Variants in SIPA1L3 observed in about 807,000 individuals in gnomAD.
SIPA1L3 encodes signal induced proliferation associated 1 like 3.
SIPA1L3 carries 59 observed loss-of-function variants against 150.1 expected under a neutral mutation model. The observed-to-expected ratio is 0.39, with a 90% CI of 0.32 to 0.49. The LOEUF (loss-of-function observed/expected upper bound fraction) is 0.49, where lower values mean the gene tolerates loss of function less well. Ranked by LOEUF, SIPA1L3 falls within the 20% of genes least tolerant of loss-of-function variation. SIPA1L3 has a pLI of 0.86. For missense variants in SIPA1L3, 2,211 were observed against 2,489.5 expected, an observed-to-expected ratio of 0.89 and a Z score of 2.38; for synonymous variants, 1,070 against 1,077.6, an observed-to-expected ratio of 0.99 and a Z score of 0.14.
At chr19:37,956,675 G>A (rs1166241355) in intron 1 of SIPA1L3, among the ~76,000 whole-genome samples, 1 of 151,970 alleles carries the variant, frequency 6.6e-6, no homozygotes, top group African/African-American at 2.4e-5. Context: ...GTAGAGATGG[G>A]GTTTCGCCAT....
At chr19:37,945,663 T>C (rs1267753638) in intron 1 of SIPA1L3, among the ~76,000 whole-genome samples, 1 of 152,090 alleles carries the variant, frequency 6.6e-6, no homozygotes, top group African/African-American at 2.4e-5. Flanking sequence ...TGTCTGTGGG[T>C]CAAGGTCTGT....
intron 6 of SIPA1L3, among the ~76,000 whole-genome samples, chr19:38,106,069 A>C (rs907596446): frequency 6.6e-6 from 1 of 151,828 alleles, no homozygotes; most frequent in Non-Finnish European, 1.5e-5. Context: ...TCTGGTGGGT[A>C]CATAGCAATG....
chr19:38,063,507 C>T (rs1969500775), intron 2 of SIPA1L3, among the ~76,000 whole-genome samples: 1 of 152,182 alleles, frequency 6.6e-6, no homozygotes, highest in South Asian at 2.1e-4. Flanking sequence ...TCAAGATTGT[C>T]GAATATTGAT....
chr19:38,141,122 G>A, intron 10 of SIPA1L3, 62 bp from the exon 11 acceptor site: 2 of 1,332,234 alleles, frequency 1.5e-6, no homozygotes. Context: ...ACCCAGCCTA[G>A]ACAGCAGGCC....
At chr19:38,049,484 C>T (rs1444132045) in intron 2 of SIPA1L3, among the ~76,000 whole-genome samples, 2 of 152,168 alleles carry the variant, frequency 1.3e-5, no homozygotes, top group Non-Finnish European at 1.5e-5. Flanking sequence ...CCACGGCTCA[C>T]GTGTCTGGTC....
intron 2 of SIPA1L3, among the ~76,000 whole-genome samples, chr19:38,036,648 A>G (rs1249370885): frequency 6.6e-6 from 1 of 152,192 alleles, no homozygotes; most frequent in Non-Finnish European, 1.5e-5. Flanking sequence ...AGCTGCCTTC[A>G]TTCATTCACA....
At chr19:38,096,543 C>A (rs1970383832) in intron 4 of SIPA1L3, among the ~76,000 whole-genome samples, 1 of 152,116 alleles carries the variant, frequency 6.6e-6, no homozygotes, top group South Asian at 2.1e-4. Flanking sequence ...GCCACCGCAC[C>A]TGGCCTCCTC....
In SIPA1L3 at chr19:38,047,121, C is replaced by T. The variant is rs80302254; in HGVS notation, c.-311+17965C>T. ...AGGCACGGATAAGTTGGGTTGTTTG[C>T]GTGAGCCACACAGGTAGGAAGTGGC... is the stretch of plus-strand genomic sequence containing the variant. On this transcript the variant is annotated intron_variant, in intron 2 of 21. Coordinates refer to ENST00000222345, the MANE Select transcript of SIPA1L3 (RefSeq NM_015073.3). The surrounding 1 kb of genome is among the most constrained non-coding windows in gnomAD (Gnocchi z 4.7). Among the ~76,000 whole-genome samples the T allele has an allele frequency of 0.12, 18,856 of 152,200 alleles. 1,472 individuals are homozygous for T. Among genetic ancestry groups the T allele is most frequent in the South Asian group, 0.27 (1,321 of 4,830 alleles).
intron 9 of SIPA1L3, among the ~76,000 whole-genome samples, chr19:38,125,329 C>G (rs1971147530): frequency 1.3e-5 from 2 of 152,184 alleles, no homozygotes; most frequent in African/African-American, 4.8e-5. Flanking sequence ...AGCCACTGTG[C>G]CCGGCCAAGC....
At chr19:38,052,198 C>G (rs1969210226) in intron 2 of SIPA1L3, among the ~76,000 whole-genome samples, 2 of 152,184 alleles carry the variant, frequency 1.3e-5, no homozygotes, top group African/African-American at 4.8e-5. Context: ...TCCCTTGATT[C>G]TCAGATGCCC....
chr19:38,149,476 C>A (rs968395673), intron 12 of SIPA1L3, among the ~76,000 whole-genome samples: 6 of 152,106 alleles, frequency 3.9e-5, no homozygotes, highest in African/African-American at 7.2e-5. Flanking sequence ...AGAGATGAAA[C>A]AAGGTAAAAT....
At chr19:37,907,573 T>C (rs974004737) in intron 1 of SIPA1L3, 1 of 152,180 alleles carries the variant, frequency 6.6e-6, no homozygotes, top group Non-Finnish European at 1.5e-5. Context: ...GGTGAAGAGC[T>C]TGGAGGCGGG....
At chr19:38,130,859 C>A in intron 10 of SIPA1L3, 87 bp downstream of exon 10, 2 of 1,425,380 alleles carry the variant, frequency 1.4e-6, no homozygotes, top group Non-Finnish European at 1.9e-6. Flanking sequence ...CACTTGAGGT[C>A]CCAATAGAGG....
chr19:37,982,046 G>A (rs1283887750), intron 1 of SIPA1L3, among the ~76,000 whole-genome samples: 1 of 152,226 alleles, frequency 6.6e-6, no homozygotes, highest in Non-Finnish European at 1.5e-5. Flanking sequence ...TTTGCAAGAA[G>A]TCACCCGTGA....
In SIPA1L3 at chr19:37,999,607, G is replaced by A. The variant is rs552009722; in HGVS notation, c.-378-29482G>A. Among the ~76,000 whole-genome samples the A allele has an allele frequency of 4.8e-4, 73 of 152,290 alleles. 3 individuals carry two copies. In the South Asian group the frequency reaches 0.014, roughly 29 times the overall value. The stretch of plus-strand genomic sequence containing the variant: ...GCACTGGGTGGGTCTCAGTCCGGGC[G>A]GGCGATCCACCCAGGAACTGACCCC... On this transcript the variant is annotated intron_variant, in intron 1 of 21. Transcript: ENST00000222345.
chr19:38,133,511 C>T (rs376967179), intron 10 of SIPA1L3, among the ~76,000 whole-genome samples: 6 of 152,228 alleles, frequency 3.9e-5, no homozygotes, highest in African/African-American at 1.2e-4. Context: ...ATGAGAGAGA[C>T]GCACCATGTT....
intron 1 of SIPA1L3, among the ~76,000 whole-genome samples, chr19:37,992,710 T>TACTC (rs896258355): frequency 6.6e-6 from 1 of 152,104 alleles, no homozygotes; most frequent in African/African-American, 2.4e-5. Flanking sequence ...GTTGGTCAGC[T>TACTC]ACTCCCCTTT....
chr19:37,978,948 C>T (rs1186789553), intron 1 of SIPA1L3, among the ~76,000 whole-genome samples: 4 of 152,114 alleles, frequency 2.6e-5, no homozygotes, highest in African/African-American at 9.7e-5. Flanking sequence ...TGCACTCCAG[C>T]CTGGGTGACA....
intron 2 of SIPA1L3, among the ~76,000 whole-genome samples, chr19:38,078,134 C>T (rs1448052689): frequency 6.6e-6 from 1 of 152,140 alleles, no homozygotes; most frequent in African/African-American, 2.4e-5. Flanking sequence ...TCTCTCCTGT[C>T]TCCCTTAGGC....
Sources: allele counts gnomAD v4.1 joint callset (sites outside exome capture counted in the v4.1 genomes callset), GRCh38; gene constraint gnomAD v4.1.1; non-coding constraint Gnocchi (gnomAD v3.1); transcripts MANE v1.5; gene names NCBI Gene and HGNC (gene_info 2026-07-23, HGNC 2026-07-21).